The following PACRG variants were observed in gnomAD, a reference collection of about 807,000 sequenced individuals.
PACRG encodes parkin coregulated.
A neutral mutation model predicts 29.7 loss-of-function variants in PACRG; 29 were observed. That is an observed-to-expected ratio of 0.98 (90% CI 0.73 to 1.33). PACRG has a LOEUF of 1.33. Ranked by LOEUF, PACRG falls within the 40% of genes most tolerant of loss-of-function variation. The pLI, the probability that PACRG is intolerant of heterozygous loss-of-function variation, is 0.00. For synonymous variants in PACRG, 116 were observed against 118.7 expected, an observed-to-expected ratio of 0.98 and a Z score of 0.15; for missense variants, 279 against 316.2, an observed-to-expected ratio of 0.88 and a Z score of 0.89.
intron 2 of PACRG, among the ~76,000 whole-genome samples, chr6:162,861,429 T>C (rs1328391121): frequency 6.6e-6 from 1 of 152,236 alleles, no homozygotes; most frequent in Non-Finnish European, 1.5e-5. Flanking sequence ...CTAGGATCTG[T>C]TAGGATAGCA....
chr6:162,727,516 G>T (rs1276967984), upstream of PACRG: 6 of 892,812 alleles, frequency 6.7e-6, no homozygotes, highest in Admixed American at 1.5e-4. Flanking sequence ...GGGGAGCCCG[G>T]CGGCGCGGGC....
intron 2 of PACRG, among the ~76,000 whole-genome samples, chr6:162,998,295 A>G (rs753030287): frequency 6.6e-5 from 10 of 152,118 alleles, no homozygotes; most frequent in Non-Finnish European, 1.3e-4. Context: ...GGATCTGAGG[A>G]CTTGTCTCCA....
At chr6:163,161,909 C>T (rs1469551563) in intron 4 of PACRG, among the ~76,000 whole-genome samples, 2 of 152,134 alleles carry the variant, frequency 1.3e-5, no homozygotes, top group African/African-American at 4.8e-5. Flanking sequence ...TTGTTGTAGC[C>T]ATAAAAGTAT....
chr6:163,206,967 G>A (rs747857923), intron 4 of PACRG, among the ~76,000 whole-genome samples: 2 of 152,078 alleles, frequency 1.3e-5, no homozygotes, highest in Admixed American at 6.5e-5. Context: ...TTTTACCGCT[G>A]TTTATAAGTA....
chr6:162,920,526 G>A (rs1796994889), intron 2 of PACRG, among the ~76,000 whole-genome samples: 1 of 152,140 alleles, frequency 6.6e-6, no homozygotes, highest in Non-Finnish European at 1.5e-5. Context: ...ATGAGTGTAA[G>A]GGATGAAATC....
At chr6:163,281,724 G>A (rs979313771) in intron 4 of PACRG, among the ~76,000 whole-genome samples, 1 of 151,868 alleles carries the variant, frequency 6.6e-6, no homozygotes, top group Non-Finnish European at 1.5e-5. Flanking sequence ...AATCCATAGA[G>A]TAATAATATA....
At chr6:162,734,636 A>G (rs1780023272) in intron 1 of PACRG, among the ~76,000 whole-genome samples, 2 of 152,214 alleles carry the variant, frequency 1.3e-5, no homozygotes, top group Non-Finnish European at 2.9e-5. Context: ...CAATCTTATG[A>G]AAAGGCAGAG....
In PACRG at chr6:163,151,719, A is replaced by G. The variant is rs529051411; in HGVS notation, c.613+62311A>G. On this transcript the variant is annotated intron_variant, in intron 4 of 4. Coordinates refer to ENST00000366888, the MANE Select transcript of PACRG (RefSeq NM_001080379.2). ...CTTTTAAAATCATGAATAAAAGTTG[A>G]GTTTACCCGCTAAAAAGTATCCTTT... Among the ~76,000 whole-genome samples the G allele has an allele frequency of 1.4e-4, 22 of 152,356 alleles. No individual in the cohort carries two copies. The South Asian group carries it at 4.6e-3, about 32-fold the overall frequency.
In PACRG at chr6:162,972,635, T is replaced by C. The variant is rs142084098; in HGVS notation, c.292-89515T>C. Among the ~76,000 whole-genome samples, 1,451 of 152,288 alleles carry C rather than the reference T, an allele frequency of 9.5e-3. 26 individuals carry two copies. Among genetic ancestry groups the C allele is most frequent in the African/African-American group, 0.033 (1,388 of 41,556 alleles). On this transcript the variant is annotated intron_variant, in intron 2 of 4. Transcript: ENST00000366888. The stretch of plus-strand genomic sequence containing the variant: ...AGTTCCCTCATCCCCCAGTTCCACA[T>C]GCACAGCACTCATTGAAGTGAAAGC...
Position 162,775,635 on chromosome 6 carries a change from G to A in PACRG, c.157-38512G>A, listed in dbSNP as rs190162086. Among the ~76,000 whole-genome samples the A allele has an allele frequency of 4.2e-3, 640 of 152,170 alleles. 1 individual carries two copies. The highest frequency in any genetic ancestry group is 0.015 in the African/African-American group (609 of 41,520). On this transcript the variant is annotated intron_variant, in intron 1 of 4. Transcript: ENST00000366888. ...TTTACATATCTATTTTTCAAATTATGTGCACATCCAATTTTGATATGTGTA... is the reference window on the plus strand; with the variant it reads ...TTTACATATCTATTTTTCAAATTATATGCACATCCAATTTTGATATGTGTA...
intron 4 of PACRG, among the ~76,000 whole-genome samples, chr6:163,308,992 T>C (rs1785300313): frequency 1.3e-5 from 2 of 152,172 alleles, no homozygotes; most frequent in South Asian, 2.1e-4. Flanking sequence ...ATGCCTTTTC[T>C]GGTCCAGAAA....
At chr6:163,025,622 T>C (rs1224131354) in intron 2 of PACRG, among the ~76,000 whole-genome samples, 1 of 152,194 alleles carries the variant, frequency 6.6e-6, no homozygotes, top group Non-Finnish European at 1.5e-5. Context: ...CAGAAGGAGA[T>C]TGGCTGCAAA....
In PACRG at chr6:162,728,066, C is replaced by T. The variant is rs1481056319; in HGVS notation, c.-170C>T. On this transcript the variant is annotated 5_prime_UTR_variant, in exon 1 of 5. Transcript: ENST00000366888. ...CGCCCCGCCCCTAGGGTCCAGCTCCCTTCACCTAGGAGCTGCCAAACATCT... is the reference window on the plus strand; with the variant it reads ...CGCCCCGCCCCTAGGGTCCAGCTCCTTTCACCTAGGAGCTGCCAAACATCT... 17 of 812,374 alleles carry T rather than the reference C, an allele frequency of 2.1e-5. No individual in the cohort carries two copies. Among genetic ancestry groups the T allele is most frequent in the Non-Finnish European group, 3.2e-5 (16 of 507,362 alleles). The allele number at this position is 812,374 out of a possible 1,614,324, so 50.3% of individuals were successfully genotyped here. A position where few individuals can be genotyped will look rare whatever the true frequency, so the allele number is the denominator to read the frequency against.
intron 4 of PACRG, among the ~76,000 whole-genome samples, chr6:163,264,584 C>T (rs986095771): frequency 1.1e-4 from 17 of 152,278 alleles, no homozygotes; most frequent in Non-Finnish European, 1.5e-4. Context: ...AAGATCTGGG[C>T]TGGGCCTAGA....
At chr6:162,946,237 A>G (rs1267402830) in intron 2 of PACRG, among the ~76,000 whole-genome samples, 1 of 151,826 alleles carries the variant, frequency 6.6e-6, no homozygotes, top group Non-Finnish European at 1.5e-5. Context: ...TCAATAAACC[A>G]CTAGCTAGAG....
chr6:163,236,231 T>C (rs1782233239), intron 4 of PACRG, among the ~76,000 whole-genome samples: 1 of 152,210 alleles, frequency 6.6e-6, no homozygotes, highest in Non-Finnish European at 1.5e-5. Flanking sequence ...CAAACCAAAA[T>C]GTAGTTTGAC....
chr6:163,290,941 T>A (rs960348075), intron 4 of PACRG, among the ~76,000 whole-genome samples: 7 of 152,188 alleles, frequency 4.6e-5, no homozygotes, highest in Non-Finnish European at 8.8e-5. Flanking sequence ...TTTGCCCCTC[T>A]GCTTTCCTGG....
chr6:163,305,451 G>A (rs1178469222), intron 4 of PACRG, among the ~76,000 whole-genome samples: 2 of 152,180 alleles, frequency 1.3e-5, no homozygotes, highest in Non-Finnish European at 2.9e-5. Context: ...AAGTAGCAAT[G>A]ACGTCCCTGG....
chr6:162,821,502 A>C lies in PACRG; in HGVS notation c.291+7221A>C, dbSNP rs190020783. ...GAAAAACAAATCACTCCTGCTTTTT[A>C]AGTCAGACGACCACCAGGGTTGAAA... On this transcript the variant is annotated intron_variant, in intron 2 of 4. Coordinates refer to ENST00000366888, the MANE Select transcript of PACRG (RefSeq NM_001080379.2). Among the ~76,000 whole-genome samples the C allele has an allele frequency of 7.8e-4, 119 of 152,258 alleles. No individual in the cohort carries two copies. In the East Asian group the frequency reaches 0.012, roughly 15 times the overall value.
Sources: gnomAD v4.1 joint callset for allele counts (sites outside exome capture counted in the v4.1 genomes callset) on GRCh38, gnomAD v4.1.1 for gene constraint, MANE v1.5 for transcripts, NCBI Gene and HGNC (gene_info 2026-07-23, HGNC 2026-07-21) for gene names.